The following LRIG3 variants were observed in gnomAD, a reference collection of about 807,000 sequenced individuals.
The protein encoded by LRIG3 is leucine rich repeats and immunoglobulin like domains 3, also known as leucine-rich repeats and immunoglobulin-like domains protein 3.
In LRIG3, 76 loss-of-function variants were observed where a neutral mutation model predicts 114.5. That is an observed-to-expected ratio of 0.66 (90% CI 0.55 to 0.80). The LOEUF (loss-of-function observed/expected upper bound fraction) is 0.80. LRIG3 is among the 30% of genes least tolerant of loss of function. The pLI, the probability that LRIG3 is intolerant of heterozygous loss-of-function variation, is 0.00. For missense variants in LRIG3, 1,239 were observed against 1,382.8 expected (o/e 0.90, Z 1.65); for synonymous variants, 512 against 519.8 (o/e 0.98, Z 0.20).
At chr12:58,915,238 A>T (rs1487860057) in intron 1 of LRIG3, among the ~76,000 whole-genome samples, 1 of 152,228 alleles carries the variant, frequency 6.6e-6, no homozygotes, top group Admixed American at 6.5e-5. Flanking sequence ...ATAAAAATGA[A>T]ATGGTTCCAG....
chr12:58,885,484 T>C (rs554992116), intron 10 of LRIG3, among the ~76,000 whole-genome samples: 2 of 152,138 alleles, frequency 1.3e-5, no homozygotes, highest in East Asian at 1.9e-4. Context: ...TATGTGAATA[T>C]GTGGTACAAT....
chr12:58,898,418 T>C (rs1428576265), intron 3 of LRIG3, among the ~76,000 whole-genome samples: 3 of 152,176 alleles, frequency 2.0e-5, no homozygotes, highest in African/African-American at 7.2e-5. Context: ...ATCATGTAAA[T>C]ACTGTAGCCT....
chr12:58,889,317 G>A (rs1433575630), intron 5 of LRIG3, among the ~76,000 whole-genome samples: 1 of 152,106 alleles, frequency 6.6e-6, no homozygotes, highest in Non-Finnish European at 1.5e-5. Flanking sequence ...CAAGGAGCTG[G>A]GCCTCAAGTT....
At chr12:58,886,785 A>G (rs757791961) in intron 9 of LRIG3, 25 bp downstream of exon 9, 1 of 1,605,176 alleles carries the variant, frequency 6.2e-7, no homozygotes, top group South Asian at 1.1e-5. Flanking sequence ...AGAGTGAGCT[A>G]AATTATGAGG....
At chr12:58,890,993 G>A (rs985318027) in intron 3 of LRIG3, among the ~76,000 whole-genome samples, 197 bp from the exon 4 acceptor site, 3 of 152,196 alleles carry the variant, frequency 2.0e-5, no homozygotes, top group East Asian at 3.9e-4. Context: ...TCAAATATGT[G>A]GAAAACATTC....
Position 58,885,881 on chromosome 12 carries a change from G to A in LRIG3, c.1194C>T (p.Ile398=), listed in dbSNP as rs1273095214. ...LRRLILQGNR[I]RSITKKAFTG... is the part of the protein sequence containing the mutation. ...TGAAGGCTTTTTTAGTAATAGAACG[G>A]ATCCGATTTCCTTGGAGTATCCTGG... Residue 398 remains isoleucine, a synonymous_variant, in exon 10 of 19, where the codon ATC becomes ATT. Transcript: ENST00000320743. The A allele has an allele frequency of 6.3e-7, 1 of 1,588,012 alleles. No homozygotes were observed. Among genetic ancestry groups the A allele is most frequent in the Non-Finnish European group, 8.6e-7 (1 of 1,163,762 alleles).
rs760118416 is a variant in LRIG3 at position 58,877,850 on chromosome 12, T to C, written c.2086A>G (p.Thr696Ala). 20 of 1,595,076 alleles carry C rather than the reference T, an allele frequency of 1.3e-5. No homozygotes were observed. In the South Asian group the frequency reaches 2.2e-4, roughly 18 times the overall value. The part of the protein sequence containing the change: ...SANATLTVLE[T>A]PSFLRPLLDR... Reference sequence around the variant, plus strand: ...AACAGTGGCCGCAAAAATGATGGTGTTTCTGAAATAACAAGTTATGCTTTT... The same window carrying C: ...AACAGTGGCCGCAAAAATGATGGTGCTTCTGAAATAACAAGTTATGCTTTT... The change falls in exon 15 of 19, where the codon ACA becomes GCA. Residue 696 changes from threonine to alanine, a missense_variant and splice_region_variant. Coordinates refer to ENST00000320743, the MANE Select transcript of LRIG3 (RefSeq NM_153377.5).
At chr12:58,889,359 C>A (rs1364197760) in intron 5 of LRIG3, among the ~76,000 whole-genome samples, 1 of 152,180 alleles carries the variant, frequency 6.6e-6, no homozygotes, top group Non-Finnish European at 1.5e-5. Context: ...AAGTTGGTTA[C>A]TATCTTTCAC....
rs1171907921 is a variant in LRIG3, at chr12:58,883,032, C to G, written c.1317G>C (p.Leu439Phe). The change falls in exon 12 of 19, where the codon TTG becomes TTC. Residue 439 changes from leucine to phenylalanine, a missense_variant and splice_region_variant. Transcript: ENST00000320743. ...ACAAAAGGCTTGATGTATTTAAATGCCTGAGGAGAGTAATTACATTCAATT... is the reference window on the plus strand; with the variant it reads ...ACAAAAGGCTTGATGTATTTAAATGGCTGAGGAGAGTAATTACATTCAATT... The part of the protein sequence containing the change: ...AFSQMKKLQQ[L>F]HLNTSSLLCD... 8 of 1,605,220 alleles carry G rather than the reference C, an allele frequency of 5.0e-6. No individual in the cohort carries two copies. Among genetic ancestry groups the G allele is most frequent in the Non-Finnish European group, 6.8e-6 (8 of 1,175,246 alleles).
intron 1 of LRIG3, among the ~76,000 whole-genome samples, chr12:58,916,655 C>A (rs1004472226): frequency 6.6e-6 from 1 of 152,128 alleles, no homozygotes; most frequent in Admixed American, 6.5e-5. Flanking sequence ...ATCTTCCCCA[C>A]AAAACTTTTA....
intron 3 of LRIG3, among the ~76,000 whole-genome samples, chr12:58,904,059 G>A (rs1871971876): frequency 6.6e-6 from 1 of 151,932 alleles, no homozygotes; most frequent in Non-Finnish European, 1.5e-5. Context: ...GCTCTTTTTT[G>A]GTTCCATATG....
chr12:58,882,090 C>G (rs1294589368), intron 12 of LRIG3, among the ~76,000 whole-genome samples: 6 of 152,116 alleles, frequency 3.9e-5, no homozygotes, highest in Admixed American at 3.9e-4. Flanking sequence ...ATATCGTGGA[C>G]AAAGCAGTTT....
chr12:58,888,367 G>A lies in LRIG3; in HGVS notation c.909C>T (p.Ser303=), dbSNP rs756868206. 1.9e-6 allele frequency: 3 copies of A among 1,613,704 alleles called. No homozygotes were observed. The highest frequency in any genetic ancestry group is 1.7e-5 in the Admixed American group (1 of 59,958). The stretch of plus-strand genomic sequence containing the variant: ...TCTGGCAGAACTCCCAGGCATCAGG[G>A]CTGATCCTGTTGATGGCATTTTGGC... The part of the protein sequence containing the change: ...HLSQNAINRI[S]PDAWEFCQKL... The change falls in exon 7 of 19, where the codon AGC becomes AGT. Residue 303 remains serine (S), a synonymous_variant. Transcript: ENST00000320743.
At position 58,874,226 on chromosome 12, in the gene LRIG3, C is replaced by T. The variant is rs954036491; in HGVS notation, c.2944G>A (p.Glu982Lys). ...PCSHPSEESC[E>K]RSFSNISWPS... ...CACGATATATTACTGAAGCTCCGTT[C>T]GCAGGATTCTTCTGAAGGATGAGAA... is the stretch of plus-strand genomic sequence containing the variant. Residue 982 changes from glutamate (E) to lysine (K), a missense_variant, in exon 18 of 19, where the codon GAA (glutamate) becomes AAA (lysine). Coordinates refer to ENST00000320743, the MANE Select transcript of LRIG3 (RefSeq NM_153377.5). 34 of 1,614,156 alleles carry T rather than the reference C, an allele frequency of 2.1e-5. No homozygotes were observed. The highest frequency in any genetic ancestry group is 3.3e-5 in the South Asian group (3 of 91,084).
Position 58,914,264 on chromosome 12 carries a change from C to A in LRIG3, c.308+1G>T, listed in dbSNP as rs776984580. 1.2e-5 allele frequency: 20 copies of A among 1,613,630 alleles called. No individual in the cohort carries two copies. Among genetic ancestry groups the A allele is most frequent in the Non-Finnish European group, 1.7e-5 (20 of 1,179,744 alleles). On this transcript the variant is annotated splice_donor_variant, in intron 2 of 18. Transcript: ENST00000320743. LOFTEE classifies it high-confidence loss of function. ...TTAAAAACAAAATAACGAAGACTCA[C>A]ACTTCTCGAAGGCTTTGAAGGTGGC...
chr12:58,911,010 C>T (rs1353954584), intron 3 of LRIG3, among the ~76,000 whole-genome samples: 1 of 152,142 alleles, frequency 6.6e-6, no homozygotes, highest in Non-Finnish European at 1.5e-5. Flanking sequence ...TAAAATATGT[C>T]ATCCTGCAAT....
At chr12:58,882,824 A>G (rs987231785) in intron 12 of LRIG3, 45 bp downstream of exon 12, 14 of 1,530,520 alleles carry the variant, frequency 9.1e-6, no homozygotes, top group Non-Finnish European at 1.1e-5. Flanking sequence ...TGGGAGGGGG[A>G]AAAAAGAAGA....
At chr12:58,897,008 CTA>C (rs1276322926) in intron 3 of LRIG3, among the ~76,000 whole-genome samples, 1 of 152,220 alleles carries the variant, frequency 6.6e-6, no homozygotes, top group Admixed American at 6.5e-5. Context: ...TCCTTGAAAA[CTA>C]TCTTGACTGG....
Position 58,890,652 on chromosome 12 carries a change from A to G in LRIG3, c.515+13T>C, listed in dbSNP as rs1429290088. 1 of 1,550,554 alleles carries G rather than the reference A, an allele frequency of 6.4e-7. No individual in the cohort carries two copies. Among genetic ancestry groups the G allele is most frequent in the African/African-American group, 1.4e-5 (1 of 71,358 alleles). The stretch of plus-strand genomic sequence containing the variant: ...TACAGGTGAAAGTTTTTGCTAAAGA[A>G]AACTTCACTTACAGATATTTGAGCT... On this transcript the variant is annotated intron_variant, in intron 4 of 18. Coordinates refer to ENST00000320743, the MANE Select transcript of LRIG3 (RefSeq NM_153377.5).
Sources: gnomAD v4.1 joint callset for allele counts (sites outside exome capture counted in the v4.1 genomes callset) on GRCh38, gnomAD v4.1.1 for gene constraint, MANE v1.5 for transcripts, NCBI Gene and HGNC (gene_info 2026-07-23, HGNC 2026-07-21) for gene names.